Variants in VWF observed in about 807,000 individuals in gnomAD.
VWF encodes Factor VIII related antigen.
A neutral mutation model predicts 308.6 loss-of-function variants in VWF; 176 were observed. The observed-to-expected ratio is 0.57, with a 90% CI of 0.50 to 0.65. The LOEUF (loss-of-function observed/expected upper bound fraction) is 0.65, where lower values mean the gene tolerates loss of function less well. VWF is among the 30% of genes least tolerant of loss of function. The probability of loss-of-function intolerance (pLI) is 0.00; values close to 1 mark genes in which losing one functional copy is unlikely to be tolerated. For missense variants in VWF, 3,146 were observed against 3,648.2 expected (o/e 0.86, Z 3.55); for synonymous variants, 1,385 against 1,443.4 (o/e 0.96, Z 0.92).
At position 6,057,927 on chromosome 12, in the gene VWF, T is replaced by C; in HGVS notation, c.1651A>G (p.Asn551Asp). The C allele has an allele frequency of 6.2e-7, 1 of 1,613,676 alleles. No individual in the cohort carries two copies. Among genetic ancestry groups the C allele is most frequent in the Non-Finnish European group, 8.5e-7 (1 of 1,179,986 alleles). The part of the protein sequence containing the change: ...LAEPRVEDFG[N>D]AWKLHGDCQD... The stretch of plus-strand genomic sequence containing the variant: ...CAGTCCCCGTGCAGCTTCCAGGCGT[T>C]CCCGAAGTCCTCCACCCGGGGCTCC... The change falls in exon 14 of 52, where the codon AAC becomes GAC. Residue 551 changes from asparagine (N) to aspartate (D), a missense_variant. By Grantham distance (23) the Asn-to-Asp change is conservative (BLOSUM62 1). Transcript: ENST00000261405.
chr12:6,090,060 C>CAA (rs1591911083), intron 6 of VWF, among the ~76,000 whole-genome samples: 1 of 152,114 alleles, frequency 6.6e-6, no homozygotes, highest in East Asian at 1.9e-4. Context: ...CAGGTTCATG[C>CAA]CATTCTCCTG....
intron 47 of VWF, among the ~76,000 whole-genome samples, chr12:5,964,242 A>ATG (rs1565811123): frequency 2.2e-5 from 3 of 136,966 alleles, no homozygotes; most frequent in African/African-American, 6.7e-5. Context: ...ATACATACAT[A>ATG]CATACATGCA....
rs752988023 is a variant in VWF at position 6,019,139 on chromosome 12, G to A, written c.4279C>T (p.Leu1427Phe). 1.2e-6 allele frequency: 2 copies of A among 1,613,930 alleles called. No homozygotes were observed. The highest frequency in any genetic ancestry group is 1.7e-6 in the Non-Finnish European group (2 of 1,179,854). Reference protein sequence around the residue: ...GPHANLKQIRLIEKQAPENKA... With the variant: ...GPHANLKQIRFIEKQAPENKA... ...TTCTCAGGGGCCTGCTTCTCGATGA[G>A]GCGGATCTGCTTGAGGTTGGCATGG... The change falls in exon 28 of 52, where the codon CTC becomes TTC. Residue 1427 changes from leucine (L) to phenylalanine (F), a missense_variant. Leu to Phe is a conservative substitution (Grantham distance 22, BLOSUM62 0). Coordinates refer to ENST00000261405, the MANE Select transcript of VWF (RefSeq NM_000552.5). This position sits in a 1 kb window ranked among gnomAD's most constrained non-coding sequence, Gnocchi z 5.8.
intron 26 of VWF, among the ~76,000 whole-genome samples, 185 bp downstream of exon 26, chr12:6,022,555 C>T (rs559539360): frequency 1.8e-4 from 25 of 142,220 alleles, no homozygotes; most frequent in African/African-American, 6.6e-4. Flanking sequence ...TTTGGAGGAG[C>T]TCGACTTGAG....
rs1468934401 is a variant in VWF at position 5,984,837 on chromosome 12, T to C, written c.6976+208A>G. Among the ~76,000 whole-genome samples, 3 of 152,256 alleles carry C rather than the reference T, an allele frequency of 2.0e-5. No individual in the cohort carries two copies. The East Asian group carries it at 5.8e-4, about 29-fold the overall frequency. On this transcript the variant is annotated intron_variant, in intron 40 of 51. Coordinates refer to ENST00000261405, the MANE Select transcript of VWF (RefSeq NM_000552.5). ...GTATTAATCCTGTCAAACCTGTGTT[T>C]AGTAATTTACAGTAGATTCTTCTAG...
chr12:6,021,650 C>G, intron 27 of VWF: 1 of 490,788 alleles, frequency 2.0e-6, no homozygotes. Context: ...CTATTAAGAG[C>G]AAAAACACTG....
At chr12:6,007,993 T>C (rs1943948937) in intron 34 of VWF, among the ~76,000 whole-genome samples, 1 of 152,150 alleles carries the variant, frequency 6.6e-6, no homozygotes, top group Admixed American at 6.5e-5. Flanking sequence ...GCCTGAATGA[T>C]GAATAAACAG....
intron 43 of VWF, among the ~76,000 whole-genome samples, chr12:5,972,361 G>A (rs976747199): frequency 6.6e-6 from 1 of 152,214 alleles, no homozygotes; most frequent in Non-Finnish European, 1.5e-5. Flanking sequence ...AAAGCATCAT[G>A]AACATGGACT....
chr12:6,103,341 T>C (rs1400452006), intron 5 of VWF, among the ~76,000 whole-genome samples: 11 of 148,118 alleles, frequency 7.4e-5, no homozygotes, highest in Admixed American at 6.8e-4. Flanking sequence ...AATATATATA[T>C]ATATGTGTGT....
At position 6,013,476 on chromosome 12, in the gene VWF, C is replaced by T; in HGVS notation, c.5620+5G>A. On this transcript the variant is annotated splice_donor_5th_base_variant and intron_variant, in intron 32 of 51. Coordinates refer to ENST00000261405, the MANE Select transcript of VWF (RefSeq NM_000552.5). ...GGGAAGTAAGAAAGGTATTATAAGACTCACCAGAGCACAGTTTGTGGAGGA... is the reference window on the plus strand; with the variant it reads ...GGGAAGTAAGAAAGGTATTATAAGATTCACCAGAGCACAGTTTGTGGAGGA... The T allele has an allele frequency of 1.9e-6, 3 of 1,614,126 alleles. No homozygotes were observed. The highest frequency in any genetic ancestry group is 1.7e-6 in the Non-Finnish European group (2 of 1,180,016).
chr12:6,091,629 T>C (rs528849506), intron 6 of VWF, among the ~76,000 whole-genome samples: 55 of 152,268 alleles, frequency 3.6e-4, no homozygotes, highest in Non-Finnish European at 7.5e-4. Flanking sequence ...CTGCAGCCTC[T>C]ACCTCCTGGG....
intron 40 of VWF, among the ~76,000 whole-genome samples, chr12:5,984,766 T>C (rs1014439635): frequency 8.5e-5 from 13 of 152,254 alleles, no homozygotes; most frequent in African/African-American, 3.1e-4. Flanking sequence ...TGGCATGACC[T>C]TTTCTTCAGT....
intron 20 of VWF, among the ~76,000 whole-genome samples, chr12:6,033,917 C>T (rs149172165): frequency 6.0e-4 from 91 of 152,346 alleles, no homozygotes; most frequent in African/African-American, 2.1e-3. Context: ...TTGTTCAAAG[C>T]TTCACAGAGT....
In VWF at chr12:6,046,266, G is replaced by A. The variant is rs1944445469; in HGVS notation, c.2281+457C>T. ...CACCGTTAGGACCTTCGAATGGAGA[G>A]CAACGGACCCAACCCTTCTCTTTCT... On this transcript the variant is annotated intron_variant, in intron 17 of 51. Coordinates refer to ENST00000261405, the MANE Select transcript of VWF (RefSeq NM_000552.5). The surrounding 1 kb of genome is among the most constrained non-coding windows in gnomAD (Gnocchi z 5.0). Among the ~76,000 whole-genome samples, 1 of 152,060 alleles carries A rather than the reference G, an allele frequency of 6.6e-6. No homozygotes were observed. The highest frequency in any genetic ancestry group is 2.1e-4 in the South Asian group (1 of 4,826).
chr12:5,970,601 G>GGC lies in VWF; in HGVS notation c.7548+997_7548+998insGC, dbSNP rs201660746. Among the ~76,000 whole-genome samples the GGC allele has an allele frequency of 6.8e-3, 1,040 of 152,284 alleles. 12 individuals are homozygous for GGC. Among genetic ancestry groups the GGC allele is most frequent in the African/African-American group, 0.024 (994 of 41,552 alleles). The stretch of plus-strand genomic sequence containing the variant: ...TGGGGAGGGGAGAACACAGGGAAGA[G>GGC]AACCCATAGGCAACTCGGACTAGAG... On this transcript the variant is annotated intron_variant, in intron 44 of 51. Transcript: ENST00000261405.
rs1255105826 is a variant in VWF, at chr12:6,042,669, T to C, written c.2442+1622A>G. Among the ~76,000 whole-genome samples, 7 of 152,332 alleles carry C rather than the reference T, an allele frequency of 4.6e-5. No homozygotes were observed. In the East Asian group the frequency reaches 9.6e-4, roughly 21 times the overall value. ...AGGTATCCAAGTGCTGTCCTCAGAATGCATGCCCAGTGCTTCAGGAATGAA... is the reference window on the plus strand; with the variant it reads ...AGGTATCCAAGTGCTGTCCTCAGAACGCATGCCCAGTGCTTCAGGAATGAA... On this transcript the variant is annotated intron_variant, in intron 18 of 51. Coordinates refer to ENST00000261405, the MANE Select transcript of VWF (RefSeq NM_000552.5).
chr12:5,990,868 TAAAAAAAAAAAAAAAAAAAAAAAAAAAA>T (rs755717764), intron 38 of VWF, among the ~76,000 whole-genome samples: 1 of 31,458 alleles, frequency 3.2e-5, no homozygotes, highest in Non-Finnish European at 5.3e-5. Context: ...CCCATAGAGC[TAAAAAAAAAAAAAAAAAAAAAAAAAAAA>T]AAAAAAAAAA....
In VWF at chr12:6,013,573, G is replaced by T; in HGVS notation, c.5528C>A (p.Ala1843Glu). Residue 1843 changes from alanine to glutamate, a missense_variant, in exon 32 of 52, where the codon GCA becomes GAA. This residue lies in a region of VWF where 853 missense variants were observed against 1,177.8 expected (regional missense o/e 0.72). Coordinates refer to ENST00000261405, the MANE Select transcript of VWF (RefSeq NM_000552.5). ...AAQLRILAGP[A>E]GDSNVVKLQR... ...GAGCTTCACCACGTTGGAGTCGCCTGCTGGGCCTGCCAAGATCCGTAGCTG... is the reference window on the plus strand; with the variant it reads ...GAGCTTCACCACGTTGGAGTCGCCTTCTGGGCCTGCCAAGATCCGTAGCTG... 1 of 1,614,028 alleles carries T rather than the reference G, an allele frequency of 6.2e-7. No homozygotes were observed. The highest frequency in any genetic ancestry group is 1.1e-5 in the South Asian group (1 of 91,068).
At chr12:6,107,668 A>T (rs58855944) in intron 5 of VWF, among the ~76,000 whole-genome samples, 10,647 of 151,572 alleles carry the variant, frequency 0.07, 764 homozygotes, top group African/African-American at 0.19. Context: ...ATATATATAT[A>T]TATTTTTTGA....
Sources: allele counts gnomAD v4.1 joint callset (sites outside exome capture counted in the v4.1 genomes callset), GRCh38; gene constraint gnomAD v4.1.1; regional missense constraint gnomAD v4.1.1; non-coding constraint Gnocchi (gnomAD v3.1); transcripts MANE v1.5; gene names NCBI Gene and HGNC (gene_info 2026-07-23, HGNC 2026-07-21).